Variants in NEK11 observed in about 807,000 individuals in gnomAD.
NEK11 encodes the protein serine/threonine-protein kinase Nek11.
Under a neutral mutation model 80.7 loss-of-function variants are expected in NEK11, and 72 were observed. The observed-to-expected ratio is 0.89, with a 90% CI of 0.74 to 1.08. The LOEUF (loss-of-function observed/expected upper bound fraction) is 1.08. Among genes scored for constraint, NEK11 ranks in the 50% least tolerant of loss-of-function variants. The pLI is 0.00. For missense variants in NEK11, 764 were observed against 763.6 expected (o/e 1.00, Z -0.01); for synonymous variants, 251 against 260.7 (o/e 0.96, Z 0.36).
intron 17 of NEK11, among the ~76,000 whole-genome samples, chr3:131,339,682 C>T (rs750788516): frequency 2.6e-5 from 4 of 152,174 alleles, no homozygotes; most frequent in Non-Finnish European, 5.9e-5. Context: ...TGCTTCCCTT[C>T]CCTAAGAGGA....
intron 3 of NEK11, among the ~76,000 whole-genome samples, chr3:131,047,682 G>A (rs2067623461): frequency 6.6e-6 from 1 of 152,214 alleles, no homozygotes. Context: ...GAGGTGGCAG[G>A]GGAGTGAAGT....
intron 17 of NEK11, among the ~76,000 whole-genome samples, chr3:131,318,333 A>G (rs867416159): frequency 5.9e-5 from 9 of 152,194 alleles, no homozygotes; most frequent in Admixed American, 2.6e-4. Flanking sequence ...TTTCATACAG[A>G]AGAGAATGTT....
At chr3:131,210,322 A>T (rs1031494080) in intron 14 of NEK11, among the ~76,000 whole-genome samples, 1 of 152,220 alleles carries the variant, frequency 6.6e-6, no homozygotes, top group African/African-American at 2.4e-5. Flanking sequence ...GTTTGATTGC[A>T]CTGTGGTCTG....
At chr3:131,246,953 G>A (rs2095612701) in intron 16 of NEK11, among the ~76,000 whole-genome samples, 1 of 151,856 alleles carries the variant, frequency 6.6e-6, no homozygotes, top group African/African-American at 2.4e-5. Flanking sequence ...CCCACTTTTT[G>A]ATGGGATTTT....
intron 17 of NEK11, among the ~76,000 whole-genome samples, chr3:131,318,184 A>C (rs770816301): frequency 2.3e-4 from 35 of 152,150 alleles, no homozygotes; most frequent in Non-Finnish European, 2.2e-4. Flanking sequence ...GGGAAGGGAG[A>C]TAGGGAAGGA....
At chr3:131,305,845 A>T (rs2096718015) in intron 17 of NEK11, among the ~76,000 whole-genome samples, 1 of 151,990 alleles carries the variant, frequency 6.6e-6, no homozygotes, top group Non-Finnish European at 1.5e-5. Context: ...TTCCCCTTAC[A>T]GCTAAGCATC....
intron 3 of NEK11, among the ~76,000 whole-genome samples, chr3:131,071,174 T>C (rs1028148895): frequency 2.0e-5 from 3 of 152,146 alleles, no homozygotes; most frequent in Non-Finnish European, 4.4e-5. Flanking sequence ...TATTATCAGC[T>C]CCCACGGGTA....
chr3:131,073,016 G>T (rs1190022083), intron 3 of NEK11, among the ~76,000 whole-genome samples: 1 of 152,104 alleles, frequency 6.6e-6, no homozygotes, highest in Non-Finnish European at 1.5e-5. Context: ...TGACACAGCG[G>T]TCAGACATTT....
At chr3:131,325,022 CTT>C (rs2096944236) in intron 17 of NEK11, 1 of 152,114 alleles carries the variant, frequency 6.6e-6, no homozygotes, top group Non-Finnish European at 1.5e-5. Flanking sequence ...AAAATAATGA[CTT>C]AATGTAGAAC....
intron 17 of NEK11, among the ~76,000 whole-genome samples, chr3:131,334,008 CAAT>C (rs1254175336): frequency 2.0e-5 from 3 of 152,188 alleles, no homozygotes; most frequent in South Asian, 2.1e-4. Context: ...GACTCCCACA[CAAT>C]AATAATGGGA....
intron 12 of NEK11, among the ~76,000 whole-genome samples, chr3:131,165,723 C>T (rs748796270): frequency 7.2e-5 from 11 of 152,084 alleles, no homozygotes; most frequent in South Asian, 4.1e-4. Flanking sequence ...ATCAATTGAT[C>T]CATTTAACAA....
intron 3 of NEK11, among the ~76,000 whole-genome samples, chr3:131,042,823 C>T (rs980718969): frequency 6.6e-6 from 1 of 152,172 alleles, no homozygotes; most frequent in African/African-American, 2.4e-5. Flanking sequence ...TGGGGAGACA[C>T]CTTCCAGCAG....
At chr3:131,157,462 G>T (rs1000734263) in intron 10 of NEK11, among the ~76,000 whole-genome samples, 1 of 152,024 alleles carries the variant, frequency 6.6e-6, no homozygotes, top group Admixed American at 6.6e-5. Flanking sequence ...TAATCTGTGC[G>T]ATTAACCACT....
In NEK11 at chr3:131,324,136, G is replaced by A. The variant is rs548583637; in HGVS notation, c.1719-25421G>A. Among the ~76,000 whole-genome samples, 7 of 152,342 alleles carry A rather than the reference G, an allele frequency of 4.6e-5. No individual in the cohort carries two copies. The South Asian group carries it at 1.4e-3, about 32-fold the overall frequency. The stretch of plus-strand genomic sequence containing the variant: ...TCTGGTTGCAGCAGGGACAGCTGGG[G>A]ATTTATGGCCAATGGGCATGGCGAA... On this transcript the variant is annotated intron_variant, in intron 17 of 17. Transcript: ENST00000383366.
rs150680452 is a variant in NEK11 at position 131,161,317 on chromosome 3, C to T, written c.963-1091C>T. On this transcript the variant is annotated intron_variant, in intron 10 of 17. Coordinates refer to ENST00000383366, the MANE Select transcript of NEK11 (RefSeq NM_024800.5). ...AAAAATAGAATACCATTTGACCCAG[C>T]AATTCCATTACTGGATATATACCTA... Among the ~76,000 whole-genome samples the T allele has an allele frequency of 2.5e-3, 386 of 152,282 alleles. 2 individuals carry two copies. The highest frequency in any genetic ancestry group is 3.4e-3 in the Non-Finnish European group (232 of 68,026).
intron 3 of NEK11, among the ~76,000 whole-genome samples, chr3:131,073,274 T>A (rs1026572648): frequency 6.6e-6 from 1 of 152,192 alleles, no homozygotes; most frequent in East Asian, 1.9e-4. Context: ...GCAATATTTG[T>A]CTTCAAACCA....
chr3:131,146,540 C>T (rs1048120364), intron 7 of NEK11, among the ~76,000 whole-genome samples: 7 of 152,102 alleles, frequency 4.6e-5, no homozygotes, highest in African/African-American at 1.7e-4. Context: ...ATTATAGATT[C>T]TTCTGTGGGG....
chr3:131,158,239 G>A (rs1185140767), intron 10 of NEK11, among the ~76,000 whole-genome samples: 1 of 152,100 alleles, frequency 6.6e-6, no homozygotes, highest in Non-Finnish European at 1.5e-5. Flanking sequence ...ATCCAGTAGG[G>A]AGGCCTGCTC....
chr3:131,332,513 G>C (rs573385226), intron 17 of NEK11, among the ~76,000 whole-genome samples: 1 of 152,192 alleles, frequency 6.6e-6, no homozygotes, highest in African/African-American at 2.4e-5. Flanking sequence ...CACAAAGATG[G>C]GGAAAAAACA....
Sources: gnomAD v4.1 joint callset for allele counts (sites outside exome capture counted in the v4.1 genomes callset) on GRCh38, gnomAD v4.1.1 for gene constraint, MANE v1.5 for transcripts, NCBI Gene and HGNC (gene_info 2026-07-23, HGNC 2026-07-21) for gene names.